The following NR5A2 variants were observed in gnomAD, a reference collection of about 807,000 sequenced individuals.
NR5A2 encodes the protein nuclear receptor subfamily 5 group A member 2, also known as CYP7A promoter-binding factor.
NR5A2 carries 26 observed loss-of-function variants against 62.7 expected under a neutral mutation model. The ratio of observed to expected loss-of-function variants is 0.41; its 90% CI spans 0.30 to 0.58. The LOEUF is 0.58. NR5A2 is among the 20% of genes least tolerant of loss of function. The pLI is 0.22. For missense variants in NR5A2, 541 were observed against 669.1 expected (o/e 0.81, Z 2.11); for synonymous variants, 246 against 241.7 (o/e 1.02, Z -0.16).
At position 200,173,988 on chromosome 1, in the gene NR5A2, G is replaced by T. The variant is rs766924985; in HGVS notation, c.1404G>T (p.Gln468His). The T allele has an allele frequency of 6.9e-7, 1 of 1,451,732 alleles. No homozygotes were observed. Among genetic ancestry groups the T allele is most frequent in the Non-Finnish European group, 9.1e-7 (1 of 1,094,844 alleles). The allele number at this position is 1,451,732 out of a possible 1,614,324, so 89.9% of individuals were successfully genotyped here. The change falls in exon 8 of 8, where the codon CAG (glutamine) becomes CAT (histidine). Residue 468 changes from glutamine (Q) to histidine (H), a missense_variant. Gln to His is a conservative substitution (Grantham distance 24). Transcript: ENST00000367362. ...ATGTCAAAAACCTTGAAAACTTCCA[G>T]CTGGTAGAAGGTGTCCAGGAACAAG... ...SLDVKNLENF[Q>H]LVEGVQEQVN...
intron 7 of NR5A2, among the ~76,000 whole-genome samples, chr1:200,163,633 C>T (rs1266973596): frequency 2.0e-5 from 3 of 151,988 alleles, no homozygotes; most frequent in Non-Finnish European, 4.4e-5. Context: ...AGGCGCAGAC[C>T]ATCACACTCA....
chr1:200,070,723 T>C (rs573172486), intron 5 of NR5A2, among the ~76,000 whole-genome samples: 1 of 151,920 alleles, frequency 6.6e-6, no homozygotes, highest in Admixed American at 6.6e-5. Flanking sequence ...TAATAACTTT[T>C]AATCAAAAAT....
At chr1:200,156,008 T>C (rs1653365769) in intron 7 of NR5A2, among the ~76,000 whole-genome samples, 1 of 152,142 alleles carries the variant, frequency 6.6e-6, no homozygotes, top group Admixed American at 6.6e-5. Context: ...TTAAATCCAC[T>C]ACTTCCCAAG....
chr1:200,113,743 A>G (rs1666071686), intron 6 of NR5A2, among the ~76,000 whole-genome samples: 3 of 152,242 alleles, frequency 2.0e-5, no homozygotes, highest in African/African-American at 7.2e-5. Context: ...GAGTGTAAAA[A>G]TGGGAAAATT....
chr1:200,061,406 G>C (rs1034907573), intron 5 of NR5A2, among the ~76,000 whole-genome samples: 1 of 150,458 alleles, frequency 6.6e-6, no homozygotes, highest in East Asian at 2.0e-4. Flanking sequence ...AGCCTCCAAA[G>C]TAGTTGGAAT....
chr1:200,137,300 A>G (rs1489524503), intron 7 of NR5A2, among the ~76,000 whole-genome samples: 1 of 148,080 alleles, frequency 6.8e-6, no homozygotes, highest in Non-Finnish European at 1.5e-5. Context: ...ACAGGTGCAC[A>G]CCACCACACC....
At chr1:200,053,573 A>ACG (rs1378665335) in intron 5 of NR5A2, among the ~76,000 whole-genome samples, 4 of 137,474 alleles carry the variant, frequency 2.9e-5, no homozygotes, top group Admixed American at 7.2e-5. Flanking sequence ...GCACACGCAC[A>ACG]CACACACACA....
intron 7 of NR5A2, 94 bp from the exon 8 acceptor site, chr1:200,173,869 G>T: frequency 7.9e-7 from 1 of 1,272,796 alleles, no homozygotes; most frequent in Non-Finnish European, 1.0e-6. Flanking sequence ...ATGTCAAAAG[G>T]AAAATACATC....
At chr1:200,041,303 G>A (rs531640819) in intron 2 of NR5A2, among the ~76,000 whole-genome samples, 38 of 152,302 alleles carry the variant, frequency 2.5e-4, no homozygotes, top group Non-Finnish European at 3.7e-4. Context: ...ACACTACCTA[G>A]TGCCCCCAAA....
intron 5 of NR5A2, among the ~76,000 whole-genome samples, chr1:200,064,501 A>G (rs1303180161): frequency 3.3e-5 from 5 of 152,198 alleles, no homozygotes; most frequent in African/African-American, 4.8e-5. Flanking sequence ...AGTAATTCCT[A>G]TGGCTGGAAG....
At chr1:200,109,549 G>A (rs1176422912) in intron 5 of NR5A2, among the ~76,000 whole-genome samples, 4 of 152,148 alleles carry the variant, frequency 2.6e-5, no homozygotes, top group Non-Finnish European at 5.9e-5. Flanking sequence ...TTTGCTCTGT[G>A]TTTGGTGGTT....
At chr1:200,103,266 G>A (rs1004908453) in intron 5 of NR5A2, among the ~76,000 whole-genome samples, 2 of 151,744 alleles carry the variant, frequency 1.3e-5, no homozygotes, top group African/African-American at 4.8e-5. Flanking sequence ...TGGGATTACA[G>A]GCACATGCCA....
At chr1:200,028,939 T>C in intron 1 of NR5A2, 1 of 347,294 alleles carries the variant, frequency 2.9e-6, no homozygotes, top group Non-Finnish European at 5.8e-6. Flanking sequence ...AGTATATCAC[T>C]TGAGGAAATG....
chr1:200,027,756 T>G lies in NR5A2; in HGVS notation c.-92T>G. ...AGGGTTACTGTAGTCTGATGTGTCC[T>G]TCCCAAGGCCACGAAATTTGACAAG... On this transcript the variant is annotated 5_prime_UTR_variant, in exon 1 of 8. Coordinates refer to ENST00000367362, the MANE Select transcript of NR5A2 (RefSeq NM_205860.3). 3.5e-6 allele frequency: 3 copies of G among 863,676 alleles called. No individual in the cohort carries two copies. The highest frequency in any genetic ancestry group is 5.5e-6 in the Non-Finnish European group (3 of 541,344). 53.5% of individuals were successfully genotyped at this position (863,676 alleles called of 1,614,324 possible).
chr1:200,143,434 T>TC (rs112165570), intron 7 of NR5A2, among the ~76,000 whole-genome samples: 1 of 150,352 alleles, frequency 6.7e-6, no homozygotes, highest in Admixed American at 6.7e-5. Context: ...GTTTTTTTTT[T>TC]CCCCCTTCTT....
chr1:200,091,484 CT>C (rs35491701), intron 5 of NR5A2, among the ~76,000 whole-genome samples: 3,302 of 126,440 alleles, frequency 0.026, 84 homozygotes, highest in African/African-American at 0.089. Flanking sequence ...TGCTCTCTTT[CT>C]TTTTTTTTTT....
intron 5 of NR5A2, among the ~76,000 whole-genome samples, chr1:200,067,954 A>C (rs1663570754): frequency 6.6e-6 from 1 of 152,202 alleles, no homozygotes; most frequent in African/African-American, 2.4e-5. Context: ...TTGTATTTAA[A>C]GTGTGAAATA....
chr1:200,121,821 T>A (rs981927073), intron 7 of NR5A2, among the ~76,000 whole-genome samples: 2 of 152,218 alleles, frequency 1.3e-5, no homozygotes, highest in African/African-American at 4.8e-5. Flanking sequence ...TTTTCTTTAG[T>A]CTTCAGTTAT....
intron 5 of NR5A2, among the ~76,000 whole-genome samples, chr1:200,104,725 C>T (rs2816984): frequency 0.34 from 52,090 of 152,046 alleles, 9,438 homozygotes; most frequent in South Asian, 0.46. Context: ...CGCAGTGGCG[C>T]GATCTCGGCT....
Sources: gnomAD v4.1 joint callset for allele counts (sites outside exome capture counted in the v4.1 genomes callset) on GRCh38, gnomAD v4.1.1 for gene constraint, MANE v1.5 for transcripts, NCBI Gene and HGNC (gene_info 2026-07-23, HGNC 2026-07-21) for gene names.